The following MACROD2 variants were observed in gnomAD, a reference collection of about 807,000 sequenced individuals.
MACROD2 encodes the protein mono-ADP ribosylhydrolase 2, also known as ADP-ribose glycohydrolase MACROD2.
A neutral mutation model predicts 70.4 loss-of-function variants in MACROD2; 36 were observed. The ratio of observed to expected loss-of-function variants is 0.51; its 90% confidence interval spans 0.39 to 0.68. The LOEUF is 0.68. Ranked by LOEUF, MACROD2 falls within the 30% of genes least tolerant of loss-of-function variation. The pLI is 0.00. For missense variants in MACROD2, 496 were observed against 538.4 expected (o/e 0.92, Z 0.78); for synonymous variants, 172 against 178.8 (o/e 0.96, Z 0.30).
chr20:14,030,441 T>C (rs976640530), intron 2 of MACROD2, among the ~76,000 whole-genome samples: 77 of 152,148 alleles, frequency 5.1e-4, no homozygotes, highest in Admixed American at 2.8e-3. Flanking sequence ...TGGAGTCTTG[T>C]GGTGATGCCC....
chr20:15,233,134 C>T (rs897628403), intron 6 of MACROD2, among the ~76,000 whole-genome samples: 2 of 151,526 alleles, frequency 1.3e-5, no homozygotes, highest in Admixed American at 1.3e-4. Flanking sequence ...AAATATCTTC[C>T]CAGAGATGCA....
intron 3 of MACROD2, among the ~76,000 whole-genome samples, chr20:14,383,839 T>A (rs886367306): frequency 2.0e-5 from 3 of 152,170 alleles, no homozygotes; most frequent in African/African-American, 7.2e-5. Context: ...AATTTTTCAT[T>A]AAGTTCAATT....
chr20:14,116,936 A>G (rs1326765986), intron 3 of MACROD2, among the ~76,000 whole-genome samples: 2 of 151,946 alleles, frequency 1.3e-5, no homozygotes, highest in Non-Finnish European at 2.9e-5. Context: ...TTGTGGTGGC[A>G]TGCACCTGTA....
At chr20:14,380,752 T>C (rs893886670) in intron 3 of MACROD2, among the ~76,000 whole-genome samples, 2 of 152,122 alleles carry the variant, frequency 1.3e-5, no homozygotes, top group Non-Finnish European at 2.9e-5. Flanking sequence ...CTCAATCTGT[T>C]TCATTTGCTT....
At chr20:15,521,336 G>C (rs1422714949) in intron 8 of MACROD2, among the ~76,000 whole-genome samples, 1 of 152,180 alleles carries the variant, frequency 6.6e-6, no homozygotes, top group Non-Finnish European at 1.5e-5. Context: ...GGTCGACTCT[G>C]GTTAATTGGC....
intron 5 of MACROD2, among the ~76,000 whole-genome samples, chr20:15,067,340 T>C (rs746235248): frequency 6.6e-6 from 1 of 152,146 alleles, no homozygotes; most frequent in Non-Finnish European, 1.5e-5. Flanking sequence ...TATTTTGTTT[T>C]GTTTTGTTTG....
At chr20:14,109,565 A>G (rs1436166760) in intron 3 of MACROD2, among the ~76,000 whole-genome samples, 2 of 151,932 alleles carry the variant, frequency 1.3e-5, no homozygotes, top group African/African-American at 4.8e-5. Context: ...AAAAGGAGAC[A>G]TTACAACGAA....
intron 8 of MACROD2, among the ~76,000 whole-genome samples, chr20:15,710,885 T>C (rs6043473): frequency 4.1e-4 from 62 of 152,300 alleles, no homozygotes; most frequent in African/African-American, 1.4e-3. Flanking sequence ...GAGACTACTT[T>C]TGGGGCTCCA....
chr20:14,773,153 C>A (rs1235461363), intron 5 of MACROD2, among the ~76,000 whole-genome samples: 1 of 152,060 alleles, frequency 6.6e-6, no homozygotes, highest in Admixed American at 6.6e-5. Flanking sequence ...AGGGCCAATT[C>A]TAGCTGCACA....
At chr20:15,714,028 CA>C (rs1268408926) in intron 8 of MACROD2, among the ~76,000 whole-genome samples, 2 of 148,922 alleles carry the variant, frequency 1.3e-5, no homozygotes, top group East Asian at 3.9e-4. Context: ...CACACACACA[CA>C]CACGGTATAA....
chr20:15,884,342 G>T (rs1362353450), intron 9 of MACROD2, among the ~76,000 whole-genome samples: 1 of 152,110 alleles, frequency 6.6e-6, no homozygotes, highest in African/African-American at 2.4e-5. Context: ...GGTAGACGAG[G>T]CTGAGGGAGA....
At chr20:15,932,879 C>T (rs769369295) in intron 10 of MACROD2, among the ~76,000 whole-genome samples, 24 of 152,104 alleles carry the variant, frequency 1.6e-4, no homozygotes, top group Non-Finnish European at 2.8e-4. Context: ...CAGCATATAT[C>T]ATACAGAGAA....
chr20:15,116,879 G>T (rs2075995479), intron 5 of MACROD2, among the ~76,000 whole-genome samples: 1 of 152,128 alleles, frequency 6.6e-6, no homozygotes, highest in Non-Finnish European at 1.5e-5. Flanking sequence ...GGGTATCGGT[G>T]TCCTTAACCC....
rs752699489 is a variant in MACROD2 at position 15,454,669 on chromosome 20, C to G, written c.571+23234C>G. 3.4e-4 allele frequency among the ~76,000 whole-genome samples: 20 copies of G among 58,628 alleles called. 4 individuals are homozygous for G. Among genetic ancestry groups the G allele is most frequent in the Admixed American group, 6.7e-4 (3 of 4,488 alleles). 38.5% of individuals were successfully genotyped at this position (58,628 alleles called of 152,430 possible). On this transcript the variant is annotated intron_variant, in intron 7 of 17. Coordinates refer to ENST00000684519, the MANE Select transcript of MACROD2 (RefSeq NM_001351661.2). Reference sequence around the variant, plus strand: ...CAAGTTTCCAGCAGTCACGCTGGCTCTCTTCATAAATCTGTAAAATAAAAA... The same window carrying G: ...CAAGTTTCCAGCAGTCACGCTGGCTGTCTTCATAAATCTGTAAAATAAAAA...
chr20:14,468,378 A>G (rs1468558297), intron 3 of MACROD2, among the ~76,000 whole-genome samples: 1 of 144,254 alleles, frequency 6.9e-6, no homozygotes, highest in Non-Finnish European at 1.5e-5. Flanking sequence ...CCTTCTTTTT[A>G]TTTTCTGATC....
Position 14,015,028 on chromosome 20 carries a change from A to C in MACROD2, c.163+12624A>C, listed in dbSNP as rs142044495. Among the ~76,000 whole-genome samples, 574 of 147,912 alleles carry C rather than the reference A, an allele frequency of 3.9e-3. 2 individuals carry two copies. The highest frequency in any genetic ancestry group is 0.014 in the Middle Eastern group (4 of 288). ...ACCATGTTGCACAGGCTAGTCTCGA[A>C]CTCCTGGGCTCAAGCAATTGGCCAT... On this transcript the variant is annotated intron_variant, in intron 2 of 17. Transcript: ENST00000684519.
intron 11 of MACROD2, among the ~76,000 whole-genome samples, chr20:15,934,969 A>G (rs1568651831): frequency 6.6e-6 from 1 of 151,082 alleles, no homozygotes; most frequent in African/African-American, 2.4e-5. Flanking sequence ...GATTACAGGC[A>G]CGAGCCACCA....
rs1267196076 is a variant in MACROD2 at position 15,569,736 on chromosome 20, C to T, written c.645+69889C>T. Among the ~76,000 whole-genome samples the T allele has an allele frequency of 2.0e-5, 3 of 152,166 alleles. No individual in the cohort carries two copies. The East Asian group carries it at 5.8e-4, about 29-fold the overall frequency. Reference sequence around the variant, plus strand: ...GTGGTAGCTTCACAAAGATGTAGACCATTTGTTAGTCTGGGTCACTGAGTA... The same window carrying T: ...GTGGTAGCTTCACAAAGATGTAGACTATTTGTTAGTCTGGGTCACTGAGTA... On this transcript the variant is annotated intron_variant, in intron 8 of 17. Transcript: ENST00000684519.
chr20:15,324,327 A>G (rs1252965230), intron 6 of MACROD2, among the ~76,000 whole-genome samples: 3 of 152,132 alleles, frequency 2.0e-5, no homozygotes, highest in Non-Finnish European at 4.4e-5. Flanking sequence ...CTTTGATTGT[A>G]TACATGCTCA....
Sources: gnomAD v4.1 joint callset for allele counts (sites outside exome capture counted in the v4.1 genomes callset) on GRCh38, gnomAD v4.1.1 for gene constraint, MANE v1.5 for transcripts, NCBI Gene and HGNC (gene_info 2026-07-23, HGNC 2026-07-21) for gene names.